ADGRL3: variants seen among roughly 807,000 people sequenced by gnomAD.
The protein encoded by ADGRL3 is calcium-independent alpha-latrotoxin receptor 3.
Under a neutral mutation model 153.5 loss-of-function variants are expected in ADGRL3, and 62 were observed. The ratio of observed to expected loss-of-function variants is 0.40; its 90% CI spans 0.33 to 0.50. The LOEUF (loss-of-function observed/expected upper bound fraction) is 0.50, where lower values mean the gene tolerates loss of function less well. Ranked by LOEUF, ADGRL3 falls within the 20% of genes least tolerant of loss-of-function variation. ADGRL3 has a pLI of 0.47. For missense variants in ADGRL3, 1,641 were observed against 1,859.4 expected (o/e 0.88, Z 2.16); for synonymous variants, 710 against 672.5 (o/e 1.06, Z -0.86).
At chr4:61,904,863 T>G (rs976059851) in intron 11 of ADGRL3, among the ~76,000 whole-genome samples, 13 of 152,212 alleles carry the variant, frequency 8.5e-5, no homozygotes, top group Admixed American at 7.2e-4. Flanking sequence ...TTAGTAGATC[T>G]CAAACTTTTG....
At chr4:61,918,960 A>G (rs1016304370) in intron 13 of ADGRL3, among the ~76,000 whole-genome samples, 1 of 152,274 alleles carries the variant, frequency 6.6e-6, no homozygotes, top group Middle Eastern at 3.4e-3. Context: ...AGCTCCATTT[A>G]TACTGCTAGG....
intron 2 of ADGRL3, among the ~76,000 whole-genome samples, chr4:61,389,433 C>A (rs1010512012): frequency 6.6e-6 from 1 of 152,008 alleles, no homozygotes; most frequent in Non-Finnish European, 1.5e-5. Context: ...ACTTTTTATA[C>A]AGTAACGATG....
intron 17 of ADGRL3, among the ~76,000 whole-genome samples, chr4:61,950,929 T>C (rs1404508580): frequency 6.6e-6 from 1 of 152,222 alleles, no homozygotes; most frequent in African/African-American, 2.4e-5. Flanking sequence ...GTCTTTTGCC[T>C]CTGTTTTAGT....
chr4:61,347,679 A>G (rs1202516445), intron 1 of ADGRL3, among the ~76,000 whole-genome samples: 2 of 152,090 alleles, frequency 1.3e-5, no homozygotes, highest in Admixed American at 6.6e-5. Flanking sequence ...GCTGTGAGAA[A>G]AAAAATGTTG....
intron 2 of ADGRL3, among the ~76,000 whole-genome samples, chr4:61,494,027 TAAAG>T (rs1464568225): frequency 6.6e-6 from 1 of 151,990 alleles, no homozygotes; most frequent in Non-Finnish European, 1.5e-5. Flanking sequence ...GATAAGTACT[TAAAG>T]GAAGGTTAAT....
At chr4:61,289,610 G>A (rs938796016) in intron 1 of ADGRL3, among the ~76,000 whole-genome samples, 1 of 151,930 alleles carries the variant, frequency 6.6e-6, no homozygotes, top group East Asian at 1.9e-4. Flanking sequence ...TACGCCATCA[G>A]AATAAGAAAT....
intron 1 of ADGRL3, among the ~76,000 whole-genome samples, chr4:61,237,909 T>G (rs777183984): frequency 1.3e-5 from 2 of 152,148 alleles, no homozygotes; most frequent in Non-Finnish European, 2.9e-5. Context: ...CGGGTAACTT[T>G]TGTAACAGTG....
Position 61,472,620 on chromosome 4 carries a change from T to C in ADGRL3, c.-173-24501T>C, listed in dbSNP as rs556123647. The stretch of plus-strand genomic sequence containing the variant: ...CTACTTGTTAGAAATTAGTAAGTTC[T>C]GCTCAGTCTGAAGAGGAATAGAATG... On this transcript the variant is annotated intron_variant, in intron 2 of 26. Coordinates refer to ENST00000683033, the MANE Select transcript of ADGRL3 (RefSeq NM_001387552.1). Among the ~76,000 whole-genome samples the C allele has an allele frequency of 9.2e-5, 14 of 152,132 alleles. No individual in the cohort carries two copies. The South Asian group carries it at 2.5e-3, about 27-fold the overall frequency.
chr4:61,397,496 C>T (rs1281031850), intron 2 of ADGRL3, among the ~76,000 whole-genome samples: 1 of 151,876 alleles, frequency 6.6e-6, no homozygotes, highest in Non-Finnish European at 1.5e-5. Context: ...TCAGGACCCA[C>T]TTTATTGCCT....
At chr4:61,528,585 G>A (rs1260253161) in intron 4 of ADGRL3, among the ~76,000 whole-genome samples, 2 of 152,116 alleles carry the variant, frequency 1.3e-5, no homozygotes, top group Admixed American at 6.6e-5. Context: ...TACTGAGTAA[G>A]CTCTAGTAGA....
intron 6 of ADGRL3, among the ~76,000 whole-genome samples, chr4:61,694,743 A>G (rs1264849100): frequency 6.6e-6 from 1 of 152,192 alleles, no homozygotes; most frequent in Non-Finnish European, 1.5e-5. Context: ...TGTAGCATGC[A>G]AGGCTGTTTG....
intron 1 of ADGRL3, among the ~76,000 whole-genome samples, chr4:61,368,234 T>G (rs1396325166): frequency 4.6e-5 from 7 of 152,284 alleles, no homozygotes; most frequent in South Asian, 2.1e-4. Context: ...AGAAGCTCTT[T>G]AGTTTAATTA....
intron 1 of ADGRL3, among the ~76,000 whole-genome samples, chr4:61,247,632 A>G (rs1213034230): frequency 2.6e-5 from 4 of 152,062 alleles, no homozygotes; most frequent in African/African-American, 9.7e-5. Context: ...AGGGTTTTCT[A>G]ATTAAACAAC....
chr4:61,289,454 C>T (rs986540553), intron 1 of ADGRL3, among the ~76,000 whole-genome samples: 6 of 151,904 alleles, frequency 3.9e-5, no homozygotes, highest in African/African-American at 1.4e-4. Flanking sequence ...AGACTATTAA[C>T]ATACTGCGTA....
intron 8 of ADGRL3, among the ~76,000 whole-genome samples, chr4:61,772,182 A>G (rs2097094607): frequency 6.6e-6 from 1 of 152,234 alleles, no homozygotes; most frequent in African/African-American, 2.4e-5. Flanking sequence ...CAAAGGAATA[A>G]TTCTTACAAA....
At chr4:61,893,674 T>C (rs969941303) in intron 10 of ADGRL3, among the ~76,000 whole-genome samples, 4 of 150,930 alleles carry the variant, frequency 2.7e-5, no homozygotes, top group African/African-American at 9.7e-5. Flanking sequence ...CATTGTTTCC[T>C]CTAGGGGATA....
rs547553567 is a variant in ADGRL3, at chr4:61,993,459, T to C, written c.3237-2832T>C. Among the ~76,000 whole-genome samples the C allele has an allele frequency of 1.1e-4, 17 of 151,666 alleles. No homozygotes were observed. The South Asian group carries it at 3.5e-3, about 32-fold the overall frequency. On this transcript the variant is annotated intron_variant, in intron 19 of 26. Coordinates refer to ENST00000683033, the MANE Select transcript of ADGRL3 (RefSeq NM_001387552.1). Reference sequence around the variant, plus strand: ...GGCATGCATCACCAGGTCCGGCTAATTTTTGTATTTTTAGTAGAGATGGGA... The same window carrying C: ...GGCATGCATCACCAGGTCCGGCTAACTTTTGTATTTTTAGTAGAGATGGGA...
At chr4:61,707,135 C>T (rs1324475808) in intron 6 of ADGRL3, among the ~76,000 whole-genome samples, 1 of 152,038 alleles carries the variant, frequency 6.6e-6, no homozygotes. Context: ...AGAACACAAG[C>T]GTTTATTAAG....
intron 1 of ADGRL3, among the ~76,000 whole-genome samples, chr4:61,307,893 C>G (rs765640291): frequency 5.9e-5 from 9 of 152,144 alleles, no homozygotes; most frequent in Non-Finnish European, 1.3e-4. Context: ...CATTTCTCAA[C>G]TAATTGGAAA....
Sources: allele counts gnomAD v4.1 joint callset (sites outside exome capture counted in the v4.1 genomes callset), GRCh38; gene constraint gnomAD v4.1.1; transcripts MANE v1.5; gene names NCBI Gene and HGNC (gene_info 2026-07-23, HGNC 2026-07-21).